Variants in SOBP observed in about 807,000 individuals in gnomAD.
SOBP encodes the protein sine oculis-binding protein homolog.
SOBP carries 4 observed loss-of-function variants against 53.6 expected under a neutral mutation model. The ratio of observed to expected loss-of-function variants is 0.07; its 90% CI spans 0.04 to 0.17. The LOEUF is 0.17. Ranked by LOEUF, SOBP falls within the 10% of genes least tolerant of loss-of-function variation. The pLI is 1.00. For missense variants in SOBP, 1,088 were observed against 1,204.7 expected, an observed-to-expected ratio of 0.90 and a Z score of 1.43; for synonymous variants, 584 against 522.6, an observed-to-expected ratio of 1.12 and a Z score of -1.60.
intron 6 of SOBP, among the ~76,000 whole-genome samples, chr6:107,656,307 GAAA>G (rs1250861616): frequency 9.8e-4 from 13 of 13,216 alleles, no homozygotes; most frequent in African/African-American, 4.5e-3. Flanking sequence ...AAGAAAGAAA[GAAA>G]GAAAGAAAGA....
intron 6 of SOBP, among the ~76,000 whole-genome samples, chr6:107,656,354 AAAGAAAGAAAGAAAGT>A (rs754630472): frequency 0.18 from 8,012 of 44,706 alleles, 395 homozygotes; most frequent in Non-Finnish European, 0.24. Context: ...AGAAAGAAAG[AAAGAAAGAAAGAAAGT>A]AAGTCAAATG....
At chr6:107,586,847 T>C (rs946345470) in intron 4 of SOBP, among the ~76,000 whole-genome samples, 8 of 152,316 alleles carry the variant, frequency 5.3e-5, no homozygotes, top group Middle Eastern at 6.8e-3. Context: ...TTGCTTGATA[T>C]TGTTTTAAAT....
chr6:107,544,835 T>A (rs1056864872), intron 4 of SOBP, among the ~76,000 whole-genome samples: 9 of 150,826 alleles, frequency 6.0e-5, no homozygotes, highest in Non-Finnish European at 1.2e-4. Context: ...TCATTCATTC[T>A]ACCAATCCTT....
chr6:107,559,398 A>G (rs959843459), intron 4 of SOBP, among the ~76,000 whole-genome samples: 2 of 152,206 alleles, frequency 1.3e-5, no homozygotes, highest in African/African-American at 4.8e-5. Context: ...TTCTCCCTTC[A>G]ATATACACAT....
chr6:107,655,588 G>A (rs190726504), intron 6 of SOBP, among the ~76,000 whole-genome samples: 39 of 152,258 alleles, frequency 2.6e-4, no homozygotes, highest in African/African-American at 8.4e-4. Flanking sequence ...CTAGGGCTGC[G>A]AAAAATAGAG....
chr6:107,609,175 T>C (rs1387184637), intron 5 of SOBP, among the ~76,000 whole-genome samples: 1 of 152,250 alleles, frequency 6.6e-6, no homozygotes, highest in Non-Finnish European at 1.5e-5. Context: ...TACTTATTTG[T>C]AAATTGTATA....
At chr6:107,575,852 G>A (rs1785209480) in intron 4 of SOBP, among the ~76,000 whole-genome samples, 1 of 152,150 alleles carries the variant, frequency 6.6e-6, no homozygotes, top group Admixed American at 6.5e-5. Flanking sequence ...CTAAACCCCA[G>A]TCAAATTCTG....
intron 4 of SOBP, among the ~76,000 whole-genome samples, chr6:107,544,071 G>C (rs890600751): frequency 6.6e-6 from 1 of 152,206 alleles, no homozygotes; most frequent in African/African-American, 2.4e-5. Flanking sequence ...GCCAAGGACT[G>C]TATTGGATGT....
At chr6:107,612,670 A>G (rs975588173) in intron 5 of SOBP, among the ~76,000 whole-genome samples, 1 of 152,192 alleles carries the variant, frequency 6.6e-6, no homozygotes, top group African/African-American at 2.4e-5. Context: ...ACAGTGTTTT[A>G]CAACCATAAC....
At chr6:107,505,811 C>T (rs369054784) in intron 2 of SOBP, among the ~76,000 whole-genome samples, 5 of 151,314 alleles carry the variant, frequency 3.3e-5, no homozygotes, top group East Asian at 2.0e-4. Flanking sequence ...TCACCATGCC[C>T]GGCTAAGTTT....
intron 5 of SOBP, among the ~76,000 whole-genome samples, chr6:107,632,738 C>A (rs1357573380): frequency 2.0e-5 from 3 of 152,126 alleles, no homozygotes; most frequent in African/African-American, 4.8e-5. Context: ...TGATGTCTTT[C>A]TTTTGCCAAG....
At chr6:107,591,552 G>A (rs1785747559) in intron 5 of SOBP, among the ~76,000 whole-genome samples, 1 of 152,178 alleles carries the variant, frequency 6.6e-6, no homozygotes, top group African/African-American at 2.4e-5. Context: ...GAGGAAAATA[G>A]CACAGGCATG....
intron 4 of SOBP, among the ~76,000 whole-genome samples, chr6:107,544,697 C>G (rs2115002221): frequency 1.3e-5 from 2 of 152,320 alleles, no homozygotes; most frequent in East Asian, 1.9e-4. Flanking sequence ...GCTTTCTTTG[C>G]TAATTTCATG....
rs1284711362 is a variant in SOBP, at chr6:107,633,801, C to T, written c.957C>T (p.Gly319=). 6 of 1,614,038 alleles carry T rather than the reference C, an allele frequency of 3.7e-6. No individual in the cohort carries two copies. The highest frequency in any genetic ancestry group is 5.1e-6 in the Non-Finnish European group (6 of 1,180,034). ...RKAPSPVATA[G]QSQGPGPSAS... ...CCCCCTCCCCGGTGGCTACAGCTGG[C>T]CAAAGCCAGGGCCCTGGCCCGTCGG... The change falls in exon 6 of 7, where the codon GGC becomes GGT. Residue 319 remains glycine, a synonymous_variant. Transcript: ENST00000317357.
intron 4 of SOBP, among the ~76,000 whole-genome samples, chr6:107,565,414 C>T (rs1209708219): frequency 1.3e-5 from 2 of 151,728 alleles, no homozygotes; most frequent in Non-Finnish European, 2.9e-5. Context: ...TACGTTGCTC[C>T]ACCTCTTCGT....
chr6:107,550,885 A>C (rs1784441492), intron 4 of SOBP, among the ~76,000 whole-genome samples: 1 of 152,204 alleles, frequency 6.6e-6, no homozygotes, highest in Non-Finnish European at 1.5e-5. Context: ...ATACTACATA[A>C]CTTAAAAAAT....
chr6:107,492,163 G>A (rs1448257168), intron 1 of SOBP, among the ~76,000 whole-genome samples: 1 of 152,192 alleles, frequency 6.6e-6, no homozygotes, highest in Non-Finnish European at 1.5e-5. Flanking sequence ...TCCAATGATG[G>A]ACAGTTTTAT....
At chr6:107,498,255 A>G (rs1782748288) in intron 1 of SOBP, among the ~76,000 whole-genome samples, 1 of 152,178 alleles carries the variant, frequency 6.6e-6, no homozygotes, top group South Asian at 2.1e-4. Flanking sequence ...GGGGAAGGGC[A>G]TGACTTGCCC....
chr6:107,562,639 G>A (rs766706455), intron 4 of SOBP, among the ~76,000 whole-genome samples: 1 of 152,112 alleles, frequency 6.6e-6, no homozygotes, highest in Non-Finnish European at 1.5e-5. Context: ...TTATTTCCTT[G>A]TCGCCTTCTG....
Sources: allele counts gnomAD v4.1 joint callset (sites outside exome capture counted in the v4.1 genomes callset), GRCh38; gene constraint gnomAD v4.1.1; transcripts MANE v1.5; gene names NCBI Gene and HGNC (gene_info 2026-07-23, HGNC 2026-07-21).